Variants in FOXN3 observed in about 807,000 individuals in gnomAD.
FOXN3 encodes forkhead box N3.
Under a neutral mutation model 38.4 loss-of-function variants are expected in FOXN3, and 7 were observed. The observed-to-expected ratio is 0.18, with a 90% confidence interval of 0.10 to 0.34. FOXN3 has a LOEUF of 0.34. Ranked by LOEUF, FOXN3 falls within the 10% of genes least tolerant of loss-of-function variation. The pLI is 1.00. For missense variants in FOXN3, 456 were observed against 613.4 expected (o/e 0.74, Z 2.71); for synonymous variants, 230 against 242.2 (o/e 0.95, Z 0.47).
At chr14:89,345,278 T>G (rs916859588) in intron 3 of FOXN3, among the ~76,000 whole-genome samples, 2 of 151,888 alleles carry the variant, frequency 1.3e-5, no homozygotes, top group African/African-American at 4.8e-5. Context: ...AGTGCTGCAG[T>G]GATTTTACTT....
intron 4 of FOXN3, among the ~76,000 whole-genome samples, chr14:89,277,363 C>T (rs536856162): frequency 6.6e-6 from 1 of 152,250 alleles, no homozygotes; most frequent in South Asian, 2.1e-4. Flanking sequence ...GAAAAATGAG[C>T]TTGTCCCCTT....
chr14:89,523,237 G>A (rs935069839), intron 1 of FOXN3, among the ~76,000 whole-genome samples: 12 of 152,052 alleles, frequency 7.9e-5, no homozygotes, highest in African/African-American at 2.7e-4. Flanking sequence ...GAACATCGAG[G>A]AAAAACAGAC....
intron 1 of FOXN3, among the ~76,000 whole-genome samples, chr14:89,449,662 C>T (rs1197915514): frequency 2.0e-5 from 3 of 152,098 alleles, no homozygotes; most frequent in African/African-American, 7.2e-5. Flanking sequence ...GGCAGGAGGC[C>T]AACTTATAGG....
intron 1 of FOXN3, among the ~76,000 whole-genome samples, chr14:89,439,997 AC>A (rs1452883399): frequency 6.6e-6 from 1 of 151,562 alleles, no homozygotes; most frequent in African/African-American, 2.4e-5. Context: ...TACTCTATGG[AC>A]TCGCCTTGAA....
chr14:89,309,167 A>AG (rs1273086255), intron 3 of FOXN3, among the ~76,000 whole-genome samples: 1 of 152,184 alleles, frequency 6.6e-6, no homozygotes, highest in East Asian at 1.9e-4. Context: ...CACAGCTTAC[A>AG]GGCCATTCAA....
At chr14:89,321,266 G>A (rs974452818) in intron 3 of FOXN3, among the ~76,000 whole-genome samples, 10 of 151,696 alleles carry the variant, frequency 6.6e-5, no homozygotes, top group Admixed American at 3.3e-4. Flanking sequence ...CCTCCAGCCT[G>A]GGCAAATCTG....
chr14:89,393,290 C>T (rs1490825057), intron 2 of FOXN3, among the ~76,000 whole-genome samples: 1 of 152,160 alleles, frequency 6.6e-6, no homozygotes, highest in African/African-American at 2.4e-5. Context: ...TACAAACCAC[C>T]CTGATCCAGT....
intron 4 of FOXN3, among the ~76,000 whole-genome samples, chr14:89,181,972 A>G (rs1887685840): frequency 6.6e-6 from 1 of 152,062 alleles, no homozygotes; most frequent in African/African-American, 2.4e-5. Flanking sequence ...GTCTACCATC[A>G]TGGGTTCAAG....
At chr14:89,424,426 G>T (rs1460038018) in intron 1 of FOXN3, among the ~76,000 whole-genome samples, 5 of 152,208 alleles carry the variant, frequency 3.3e-5, no homozygotes, top group Non-Finnish European at 5.9e-5. Flanking sequence ...GCAAACAGGA[G>T]AATTGCTAAG....
intron 1 of FOXN3, among the ~76,000 whole-genome samples, chr14:89,557,505 T>TCAGC (rs1329808756): frequency 6.6e-6 from 1 of 152,116 alleles, no homozygotes; most frequent in Admixed American, 6.5e-5. Context: ...ACTACTGGTT[T>TCAGC]CAGCCAGCCA....
At chr14:89,498,257 C>G (rs1328225832) in intron 1 of FOXN3, among the ~76,000 whole-genome samples, 1 of 134,632 alleles carries the variant, frequency 7.4e-6, no homozygotes, top group Non-Finnish European at 1.5e-5. Flanking sequence ...TGCTCTATAG[C>G]CCAGGCTGGA....
In FOXN3 at chr14:89,409,996, G is replaced by C. The variant is rs138392104; in HGVS notation, c.543+1938C>G. ...GGAACCAGAAACTTATGAATATTCA[G>C]ATCTGCACGCTCGACCCAGGCATCA... On this transcript the variant is annotated intron_variant, in intron 2 of 5. Coordinates refer to ENST00000557258, the MANE Select transcript of FOXN3 (RefSeq NM_005197.4). Among the ~76,000 whole-genome samples, 630 of 152,138 alleles carry C rather than the reference G, an allele frequency of 4.1e-3. 3 individuals are homozygous for C. The highest frequency in any genetic ancestry group is 0.014 in the African/African-American group (595 of 41,486).
intron 2 of FOXN3, among the ~76,000 whole-genome samples, chr14:89,360,184 C>T (rs553382420): frequency 2.6e-4 from 40 of 152,212 alleles, no homozygotes; most frequent in Non-Finnish European, 4.9e-4. Flanking sequence ...TCCCCTCCCG[C>T]CAAAACTGCC....
At chr14:89,546,323 C>CTTTTACTTTT (rs1566694398) in intron 1 of FOXN3, among the ~76,000 whole-genome samples, 1 of 45,978 alleles carries the variant, frequency 2.2e-5, no homozygotes, top group Non-Finnish European at 4.2e-5. Context: ...TTCTTTTTTC[C>CTTTTACTTTT]TTTTTCTTTT....
chr14:89,199,905 GACAACA>G (rs367780395), intron 4 of FOXN3, among the ~76,000 whole-genome samples: 36 of 151,658 alleles, frequency 2.4e-4, no homozygotes, highest in African/African-American at 6.5e-4. Flanking sequence ...CTCCATCTCA[GACAACA>G]ACAACAACAA....
chr14:89,526,750 G>A (rs1894440241), intron 1 of FOXN3, among the ~76,000 whole-genome samples: 3 of 152,068 alleles, frequency 2.0e-5, no homozygotes, highest in African/African-American at 7.2e-5. Context: ...CAAGCTGACT[G>A]ACAATTCATA....
intron 4 of FOXN3, among the ~76,000 whole-genome samples, chr14:89,273,106 C>T (rs1226590074): frequency 6.6e-6 from 1 of 152,198 alleles, no homozygotes; most frequent in Non-Finnish European, 1.5e-5. Flanking sequence ...TGCTGTAAAC[C>T]TAGCTCTTGA....
intron 3 of FOXN3, among the ~76,000 whole-genome samples, chr14:89,304,917 A>C (rs1024236134): frequency 6.6e-6 from 1 of 151,274 alleles, no homozygotes; most frequent in Admixed American, 6.6e-5. Flanking sequence ...TGATCTGCGG[A>C]CAAATCTGGA....
intron 1 of FOXN3, among the ~76,000 whole-genome samples, chr14:89,453,196 T>C (rs1892650987): frequency 6.7e-6 from 1 of 149,016 alleles, no homozygotes; most frequent in Admixed American, 6.7e-5. Flanking sequence ...GAAAACTCCG[T>C]CTCAAAAAAA....
Sources: allele counts gnomAD v4.1 joint callset (sites outside exome capture counted in the v4.1 genomes callset), GRCh38; gene constraint gnomAD v4.1.1; transcripts MANE v1.5; gene names NCBI Gene and HGNC (gene_info 2026-07-23, HGNC 2026-07-21).